EBF2: variants seen among roughly 807,000 people sequenced by gnomAD.
The protein encoded by EBF2 is transcription factor COE2.
A neutral mutation model predicts 72.8 loss-of-function variants in EBF2; 21 were observed. The ratio of observed to expected loss-of-function variants is 0.29; its 90% CI spans 0.20 to 0.42. The LOEUF (loss-of-function observed/expected upper bound fraction) is 0.42, where lower values mean the gene tolerates loss of function less well. Ranked by LOEUF, EBF2 falls within the 10% of genes least tolerant of loss-of-function variation. The pLI is 1.00. For missense variants in EBF2, 637 were observed against 731.2 expected (o/e 0.87, Z 1.49); for synonymous variants, 299 against 274.2 (o/e 1.09, Z -0.89).
intron 10 of EBF2, among the ~76,000 whole-genome samples, chr8:25,886,381 C>T (rs1802690220): frequency 6.6e-6 from 1 of 152,176 alleles, no homozygotes. Context: ...CTTTGAATTG[C>T]TCTCCAACAT....
intron 6 of EBF2, among the ~76,000 whole-genome samples, chr8:26,028,702 C>G (rs989676322): frequency 6.6e-5 from 10 of 152,206 alleles, no homozygotes; most frequent in African/African-American, 2.4e-4. Context: ...TAGAGCTTCC[C>G]TCTAAAACAC....
At chr8:26,022,533 G>A (rs1805220140) in intron 6 of EBF2, among the ~76,000 whole-genome samples, 1 of 152,136 alleles carries the variant, frequency 6.6e-6, no homozygotes, top group South Asian at 2.1e-4. Flanking sequence ...AAAAGTCCTG[G>A]CTACTTAGGG....
intron 6 of EBF2, among the ~76,000 whole-genome samples, chr8:26,007,811 CAT>C (rs1227942651): frequency 6.6e-6 from 1 of 151,572 alleles, no homozygotes. Flanking sequence ...CACACACACA[CAT>C]ACACACACAC....
At chr8:25,853,233 A>G (rs1269974450) in intron 14 of EBF2, among the ~76,000 whole-genome samples, 1 of 152,192 alleles carries the variant, frequency 6.6e-6, no homozygotes, top group Admixed American at 6.5e-5. Context: ...CACATAATGA[A>G]AAACTTCTGC....
intron 6 of EBF2, among the ~76,000 whole-genome samples, chr8:25,933,274 C>T (rs762219230): frequency 1.3e-5 from 2 of 152,156 alleles, no homozygotes; most frequent in African/African-American, 4.8e-5. Flanking sequence ...CATCTATCAG[C>T]GCTGAGCTGT....
chr8:25,905,301 A>G (rs1403139983), intron 7 of EBF2, among the ~76,000 whole-genome samples: 1 of 152,178 alleles, frequency 6.6e-6, no homozygotes, highest in Non-Finnish European at 1.5e-5. Flanking sequence ...AACTTAAAGA[A>G]ACAATTACCA....
chr8:25,846,762 G>C (rs34867102), intron 15 of EBF2, among the ~76,000 whole-genome samples: 455 of 152,264 alleles, frequency 3.0e-3, no homozygotes, highest in Middle Eastern at 6.8e-3. Flanking sequence ...TGTAACAGCA[G>C]AGGTGCTCAA....
intron 6 of EBF2, among the ~76,000 whole-genome samples, chr8:25,961,561 C>A (rs565230329): frequency 6.6e-6 from 1 of 152,136 alleles, no homozygotes; most frequent in African/African-American, 2.4e-5. Context: ...TAGCGTTTCA[C>A]CATCTTGGCC....
intron 6 of EBF2, among the ~76,000 whole-genome samples, chr8:25,931,841 T>A (rs1803486719): frequency 6.6e-6 from 1 of 152,122 alleles, no homozygotes; most frequent in African/African-American, 2.4e-5. Flanking sequence ...ACATACAACT[T>A]CCCATCAATT....
intron 10 of EBF2, among the ~76,000 whole-genome samples, chr8:25,865,265 C>G (rs537408674): frequency 6.6e-6 from 1 of 152,314 alleles, no homozygotes; most frequent in South Asian, 2.1e-4. Context: ...TGCTGCTCAT[C>G]ATATAGGTGC....
At chr8:26,032,487 T>G (rs2117257169) in intron 6 of EBF2, 1 of 152,310 alleles carries the variant, frequency 6.6e-6, no homozygotes, top group South Asian at 2.1e-4. Context: ...TTCATTGGTT[T>G]GTAAGTTCTG....
intron 13 of EBF2, among the ~76,000 whole-genome samples, chr8:25,858,843 T>A (rs1168285409): frequency 6.6e-6 from 1 of 151,838 alleles, no homozygotes; most frequent in Non-Finnish European, 1.5e-5. Flanking sequence ...GTACTTTTAG[T>A]GGAGACGGGA....
intron 6 of EBF2, among the ~76,000 whole-genome samples, chr8:26,017,205 T>C (rs1274819276): frequency 6.6e-6 from 1 of 151,438 alleles, no homozygotes; most frequent in Admixed American, 6.6e-5. Context: ...AGGATCACAA[T>C]TCATGTTGAC....
intron 15 of EBF2, among the ~76,000 whole-genome samples, chr8:25,849,876 C>T (rs1028398988): frequency 1.3e-5 from 2 of 152,138 alleles, no homozygotes; most frequent in Non-Finnish European, 2.9e-5. Context: ...TTGGTTGCTC[C>T]TGCTGGCTCC....
chr8:25,986,303 C>G (rs1184935921), intron 6 of EBF2, among the ~76,000 whole-genome samples: 2 of 152,084 alleles, frequency 1.3e-5, no homozygotes, highest in South Asian at 2.1e-4. Flanking sequence ...CTTCATGAAG[C>G]TTTCCTGTAC....
At chr8:25,939,951 C>T (rs901713430) in intron 6 of EBF2, among the ~76,000 whole-genome samples, 1 of 152,148 alleles carries the variant, frequency 6.6e-6, no homozygotes, top group Admixed American at 6.5e-5. Flanking sequence ...ATGATTTCCC[C>T]ATCATGATAA....
intron 10 of EBF2, among the ~76,000 whole-genome samples, chr8:25,866,895 G>A (rs1802340510): frequency 6.6e-6 from 1 of 151,770 alleles, no homozygotes. Context: ...GCCTCCCAAA[G>A]CGCTGGGATT....
intron 6 of EBF2, among the ~76,000 whole-genome samples, chr8:25,936,601 C>G: frequency 6.6e-6 from 1 of 152,168 alleles, no homozygotes; most frequent in East Asian, 1.9e-4. Context: ...AACAGTATAA[C>G]TTAAATGCCA....
intron 6 of EBF2, among the ~76,000 whole-genome samples, chr8:26,001,272 A>T (rs1804720037): frequency 6.6e-6 from 1 of 152,160 alleles, no homozygotes; most frequent in Admixed American, 6.5e-5. Context: ...CTTCAAAAAA[A>T]AGTTAAGAGA....
Sources: gnomAD v4.1 joint callset for allele counts (sites outside exome capture counted in the v4.1 genomes callset) on GRCh38, gnomAD v4.1.1 for gene constraint, MANE v1.5 for transcripts, NCBI Gene and HGNC (gene_info 2026-07-23, HGNC 2026-07-21) for gene names.